KLKB1: variants seen among roughly 807,000 people sequenced by gnomAD.
KLKB1 encodes the protein kallikrein B1.
Under a neutral mutation model 73.6 loss-of-function variants are expected in KLKB1, and 58 were observed. The ratio of observed to expected loss-of-function variants is 0.79; its 90% confidence interval spans 0.64 to 0.98. The LOEUF (loss-of-function observed/expected upper bound fraction) is 0.98. Ranked by LOEUF, KLKB1 falls within the 50% of genes least tolerant of loss-of-function variation. The pLI is 0.00. For missense variants in KLKB1, 737 were observed against 763.8 expected, an observed-to-expected ratio of 0.96 and a Z score of 0.41; for synonymous variants, 280 against 258.1, an observed-to-expected ratio of 1.08 and a Z score of -0.81.
intron 2 of KLKB1, among the ~76,000 whole-genome samples, chr4:186,217,088 A>G (rs1445653690): frequency 6.6e-6 from 1 of 152,126 alleles, no homozygotes; most frequent in African/African-American, 2.4e-5. Context: ...TTTAGTTCTG[A>G]TTTGGTTCAC....
At chr4:186,215,756 T>A (rs943682279) in intron 2 of KLKB1, among the ~76,000 whole-genome samples, 15 of 152,130 alleles carry the variant, frequency 9.9e-5, no homozygotes, top group African/African-American at 2.4e-5. Flanking sequence ...GTAATTTTTC[T>A]TGTACAGTTG....
intron 2 of KLKB1, chr4:186,212,067 G>A (rs1452986770): frequency 6.6e-6 from 1 of 152,108 alleles, no homozygotes; most frequent in African/African-American, 2.4e-5. Context: ...ATAAGTAAGG[G>A]AATAGAATCA....
chr4:186,234,410 G>C (rs1737551512), intron 4 of KLKB1, among the ~76,000 whole-genome samples: 1 of 152,198 alleles, frequency 6.6e-6, no homozygotes, highest in African/African-American at 2.4e-5. Context: ...TTTTACATCA[G>C]TGATTCTCAA....
chr4:186,247,628 T>A (rs2175494), intron 6 of KLKB1, among the ~76,000 whole-genome samples: 125,935 of 152,184 alleles, frequency 0.83, 52,295 homozygotes, highest in East Asian at 0.92. Context: ...ATACATACAC[T>A]TTGGAAAAGA....
upstream of KLKB1, chr4:186,226,622 C>T (rs1275461916): frequency 6.6e-6 from 1 of 152,422 alleles, no homozygotes; most frequent in Non-Finnish European, 1.5e-5. Flanking sequence ...CTGCAGGGGC[C>T]AGCCTAACAT....
At chr4:186,247,215 A>T (rs550563490) in intron 6 of KLKB1, among the ~76,000 whole-genome samples, 2 of 152,270 alleles carry the variant, frequency 1.3e-5, no homozygotes, top group African/African-American at 4.8e-5. Context: ...CACAGCACCA[A>T]ATATCACGTG....
At chr4:186,222,649 G>A (rs1324818753), upstream of KLKB1, among the ~76,000 whole-genome samples, 3 of 152,064 alleles carry the variant, frequency 2.0e-5, no homozygotes, top group South Asian at 4.2e-4. Flanking sequence ...TAATACTTTT[G>A]TTTTTTAACT....
chr4:186,215,014 C>T (rs180895021), intron 2 of KLKB1, among the ~76,000 whole-genome samples: 17 of 152,216 alleles, frequency 1.1e-4, no homozygotes, highest in Non-Finnish European at 1.9e-4. Context: ...CCTGATACTA[C>T]TCAATTTATG....
chr4:186,258,078 A>T lies in KLKB1; in HGVS notation c.1783A>T (p.Ile595Phe). 2 of 1,614,132 alleles carry T rather than the reference A, an allele frequency of 1.2e-6. No homozygotes were observed. The highest frequency in any genetic ancestry group is 4.5e-5 in the East Asian group (2 of 44,886). ...CAATGGAATGTGGCGTTTGGTGGGC[A>T]TCACCAGCTGGGGTGAAGGCTGTGC... ...KHNGMWRLVG[I>F]TSWGEGCARR... The change falls in exon 15 of 15, where the codon ATC (isoleucine) becomes TTC (phenylalanine). Residue 595 changes from isoleucine (I) to phenylalanine (F), a missense_variant. Coordinates refer to ENST00000264690, the MANE Select transcript of KLKB1 (RefSeq NM_000892.5).
intron 2 of KLKB1, among the ~76,000 whole-genome samples, chr4:186,213,882 C>T (rs1302867370): frequency 6.6e-6 from 1 of 152,132 alleles, no homozygotes; most frequent in African/African-American, 2.4e-5. Flanking sequence ...TGCGTGGGCA[C>T]CCTCTTTTTC....
intron 2 of KLKB1, among the ~76,000 whole-genome samples, chr4:186,229,752 C>G (rs1258575701): frequency 6.6e-6 from 1 of 152,152 alleles, no homozygotes; most frequent in Non-Finnish European, 1.5e-5. Flanking sequence ...ATTTATCTTT[C>G]TGGAAACAGT....
chr4:186,233,909 T>C (rs1358965474), intron 3 of KLKB1, 43 bp from the exon 4 acceptor site: 1 of 1,324,364 alleles, frequency 7.6e-7, no homozygotes, highest in East Asian at 2.3e-5. Context: ...CCTCAATGTA[T>C]GTTTATTATT....
intron 5 of KLKB1, 30 bp downstream of exon 5, chr4:186,236,970 G>A (rs780505804): frequency 4.5e-5 from 72 of 1,610,700 alleles, no homozygotes; most frequent in Non-Finnish European, 5.7e-5. Flanking sequence ...TGTGTTCTTT[G>A]TATTGGTGCC....
At chr4:186,245,552 C>T (rs1738286743) in intron 6 of KLKB1, among the ~76,000 whole-genome samples, 1 of 152,100 alleles carries the variant, frequency 6.6e-6, no homozygotes, top group Non-Finnish European at 1.5e-5. Context: ...GGCCCATTGG[C>T]CAGATTTCTG....
chr4:186,224,733 G>A (rs75065411), upstream of KLKB1, among the ~76,000 whole-genome samples: 1,476 of 152,260 alleles, frequency 9.7e-3, 25 homozygotes, highest in African/African-American at 0.034. Flanking sequence ...TTGGGTTACT[G>A]TGGAATGAGT....
In KLKB1 at chr4:186,240,215, G is replaced by GT. The variant is rs566327233; in HGVS notation, c.598+1850_598+1851insT. On this transcript the variant is annotated intron_variant, in intron 6 of 14. Transcript: ENST00000264690. ...TACAGTGATATTGTTATAGTTATAG[G>GT]ACAGTGATATTGTTATAGTTATAGG... Among the ~76,000 whole-genome samples, 248 of 151,996 alleles carry GT rather than the reference G, an allele frequency of 1.6e-3. 1 individual carries two copies. Among genetic ancestry groups the GT allele is most frequent in the African/African-American group, 5.8e-3 (241 of 41,428 alleles).
intron 2 of KLKB1, among the ~76,000 whole-genome samples, chr4:186,230,368 A>G (rs1737334278): frequency 6.6e-6 from 1 of 152,072 alleles, no homozygotes; most frequent in African/African-American, 2.4e-5. Context: ...ATCTTTTCAT[A>G]TTTGTTATCT....
chr4:186,237,184 C>T (rs749099978), intron 5 of KLKB1, among the ~76,000 whole-genome samples: 6 of 152,104 alleles, frequency 3.9e-5, no homozygotes, highest in South Asian at 2.1e-4. Context: ...CTACAACCTC[C>T]GCTTCCCGGG....
chr4:186,218,306 C>A (rs1421616826), intron 2 of KLKB1, among the ~76,000 whole-genome samples: 1 of 152,124 alleles, frequency 6.6e-6, no homozygotes, highest in Non-Finnish European at 1.5e-5. Flanking sequence ...CTAGGAGGAG[C>A]TATCCATACC....
Sources: gnomAD v4.1 joint callset for allele counts (sites outside exome capture counted in the v4.1 genomes callset) on GRCh38, gnomAD v4.1.1 for gene constraint, MANE v1.5 for transcripts, NCBI Gene and HGNC (gene_info 2026-07-23, HGNC 2026-07-21) for gene names.